CSMD1: variants seen among roughly 807,000 people sequenced by gnomAD.
CSMD1 encodes the protein CUB and Sushi multiple domains 1.
In CSMD1, 213 loss-of-function variants were observed where a neutral mutation model predicts 417.5. The ratio of observed to expected loss-of-function variants is 0.51; its 90% CI spans 0.46 to 0.57. The LOEUF is 0.57. Among genes scored for constraint, CSMD1 ranks in the 20% least tolerant of loss-of-function variants. The pLI, the probability that CSMD1 is intolerant of heterozygous loss-of-function variation, is 0.00. For missense variants in CSMD1, 6,923 were observed against 4,529.7 expected (o/e 1.53, Z -15.17); for synonymous variants, 2,862 against 1,736.8 (o/e 1.65, Z -16.11).
At chr8:4,982,286 A>G (rs921571101) in intron 1 of CSMD1, among the ~76,000 whole-genome samples, 4 of 152,172 alleles carry the variant, frequency 2.6e-5, no homozygotes, top group African/African-American at 9.7e-5. Context: ...CTAATGCAAA[A>G]AGTATTCAAA....
At chr8:3,597,220 A>T (rs1801136171) in intron 8 of CSMD1, among the ~76,000 whole-genome samples, 1 of 152,112 alleles carries the variant, frequency 6.6e-6, no homozygotes, top group Admixed American at 6.5e-5. Context: ...CTCATGGTAA[A>T]CATCGGGCCC....
At chr8:4,674,676 AAAAC>A (rs1805560369) in intron 1 of CSMD1, among the ~76,000 whole-genome samples, 1 of 152,202 alleles carries the variant, frequency 6.6e-6, no homozygotes, top group South Asian at 2.1e-4. Flanking sequence ...AACAACAACA[AAAAC>A]AAACCCTAAT....
intron 50 of CSMD1, among the ~76,000 whole-genome samples, chr8:3,049,261 T>A (rs1006747819): frequency 3.3e-5 from 5 of 152,166 alleles, no homozygotes; most frequent in African/African-American, 1.2e-4. Flanking sequence ...AAAACTTATG[T>A]CTGTATAAAA....
chr8:4,044,977 A>C (rs1470776188), intron 3 of CSMD1, among the ~76,000 whole-genome samples: 2 of 152,238 alleles, frequency 1.3e-5, no homozygotes, highest in Non-Finnish European at 2.9e-5. Context: ...TTGTTCACGG[A>C]GGAGTTTCTA....
rs1585168759 is a variant in CSMD1 at position 3,440,693 on chromosome 8, G to A, written c.1561+28019C>T. Among the ~76,000 whole-genome samples the A allele has an allele frequency of 2.0e-5, 3 of 152,342 alleles. No individual in the cohort carries two copies. The Middle Eastern group carries it at 0.01, about 518-fold the overall frequency. On this transcript the variant is annotated intron_variant, in intron 12 of 69. Transcript: ENST00000635120. ...GAGCTTCCAGCACTATACTGAATGGGAAGAGTGGATATCCTTGGTGGGTTC... is the reference window on the plus strand; with the variant it reads ...GAGCTTCCAGCACTATACTGAATGGAAAGAGTGGATATCCTTGGTGGGTTC...
rs147170874 is a variant in CSMD1 at position 4,016,563 on chromosome 8, T to A, written c.610+15342A>T. 5.3e-3 allele frequency among the ~76,000 whole-genome samples: 805 copies of A among 152,230 alleles called. 9 individuals are homozygous for A. Among genetic ancestry groups the A allele is most frequent in the African/African-American group, 0.018 (748 of 41,518 alleles). On this transcript the variant is annotated intron_variant, in intron 4 of 69. Transcript: ENST00000635120. ...AAGGAAAGAGGAGAAAAGATGAAGA[T>A]TCACTTAGTCCTCAATCCTAAAAAG... is the stretch of plus-strand genomic sequence containing the variant.
chr8:4,945,394 G>A (rs1378887338), intron 1 of CSMD1, among the ~76,000 whole-genome samples: 1 of 151,948 alleles, frequency 6.6e-6, no homozygotes, highest in Non-Finnish European at 1.5e-5. Flanking sequence ...AGTTCAGATA[G>A]TAAATTTCAT....
At chr8:3,730,793 A>G (rs1802800759) in intron 6 of CSMD1, among the ~76,000 whole-genome samples, 1 of 152,196 alleles carries the variant, frequency 6.6e-6, no homozygotes, top group Non-Finnish European at 1.5e-5. Flanking sequence ...CCTTAACCTA[A>G]TATTTTGACA....
At chr8:4,409,809 G>A (rs748277942) in intron 3 of CSMD1, among the ~76,000 whole-genome samples, 11 of 151,950 alleles carry the variant, frequency 7.2e-5, no homozygotes, top group Admixed American at 2.6e-4. Flanking sequence ...TAACAATACC[G>A]TACTTTTAGT....
intron 3 of CSMD1, among the ~76,000 whole-genome samples, chr8:4,155,116 G>T (rs1299253358): frequency 1.3e-5 from 2 of 152,120 alleles, no homozygotes; most frequent in African/African-American, 4.8e-5. Context: ...CACATGACGC[G>T]CATGCACTAT....
At chr8:4,100,635 T>G (rs1023728567) in intron 3 of CSMD1, among the ~76,000 whole-genome samples, 1 of 152,064 alleles carries the variant, frequency 6.6e-6, no homozygotes, top group Non-Finnish European at 1.5e-5. Flanking sequence ...TGGGGATAAG[T>G]ATGTCCATCA....
intron 2 of CSMD1, among the ~76,000 whole-genome samples, chr8:4,421,453 T>G (rs1236991): frequency 1.3e-5 from 2 of 152,028 alleles, no homozygotes; most frequent in Non-Finnish European, 2.9e-5. Flanking sequence ...AACCTCAAAC[T>G]ATATAAAATA....
intron 17 of CSMD1, among the ~76,000 whole-genome samples, chr8:3,394,513 T>C (rs986022702): frequency 1.3e-5 from 2 of 151,940 alleles, no homozygotes; most frequent in South Asian, 2.1e-4. Flanking sequence ...GCTACAGAAA[T>C]ACAGATGAAA....
intron 26 of CSMD1, among the ~76,000 whole-genome samples, chr8:3,236,003 C>T (rs1029784372): frequency 2.0e-4 from 30 of 146,900 alleles, no homozygotes; most frequent in African/African-American, 5.2e-4. Context: ...CTGCAAGCTC[C>T]GCCTTCCGGG....
intron 1 of CSMD1, among the ~76,000 whole-genome samples, chr8:4,882,138 C>G (rs901675339): frequency 3.9e-5 from 6 of 152,042 alleles, no homozygotes; most frequent in African/African-American, 1.5e-4. Flanking sequence ...GCTGATGAAG[C>G]ACATGTAGTT....
chr8:3,789,440 GTGT>G (rs1799613442), intron 5 of CSMD1, among the ~76,000 whole-genome samples: 1 of 60,542 alleles, frequency 1.7e-5, no homozygotes, highest in South Asian at 6.2e-4. Flanking sequence ...TTTTTTTTAA[GTGT>G]TTTTTTTTTT....
chr8:4,927,988 C>G (rs1806984935), intron 1 of CSMD1, among the ~76,000 whole-genome samples: 2 of 152,180 alleles, frequency 1.3e-5, no homozygotes, highest in African/African-American at 4.8e-5. Context: ...CTGTGTAAAG[C>G]TCCCGAGTCA....
At chr8:4,769,061 T>G (rs1465839952) in intron 1 of CSMD1, among the ~76,000 whole-genome samples, 1 of 152,224 alleles carries the variant, frequency 6.6e-6, no homozygotes, top group Admixed American at 6.5e-5. Flanking sequence ...TTAGAATGTG[T>G]GAGGCAAACA....
chr8:4,568,551 T>C (rs1405678837), intron 2 of CSMD1, among the ~76,000 whole-genome samples: 1 of 152,192 alleles, frequency 6.6e-6, no homozygotes, highest in South Asian at 2.1e-4. Context: ...TCCAAGGTTT[T>C]TCTATACTAA....
Sources: gnomAD v4.1 joint callset for allele counts (sites outside exome capture counted in the v4.1 genomes callset) on GRCh38, gnomAD v4.1.1 for gene constraint, MANE v1.5 for transcripts, NCBI Gene and HGNC (gene_info 2026-07-23, HGNC 2026-07-21) for gene names.